The following TFAP2D variants were observed in gnomAD, a reference collection of about 807,000 sequenced individuals.
TFAP2D encodes transcription factor AP-2-delta.
In TFAP2D, 9 loss-of-function variants were observed where a neutral mutation model predicts 43.6. That is an observed-to-expected ratio of 0.21 (90% confidence interval 0.12 to 0.36). The LOEUF is 0.36. Ranked by LOEUF, TFAP2D falls within the 10% of genes least tolerant of loss-of-function variation. TFAP2D has a pLI of 1.00. For missense variants in TFAP2D, 513 were observed against 561.4 expected, an observed-to-expected ratio of 0.91 and a Z score of 0.87; for synonymous variants, 256 against 224.9, an observed-to-expected ratio of 1.14 and a Z score of -1.24.
chr6:50,769,059 T>C (rs1769485626), intron 7 of TFAP2D, among the ~76,000 whole-genome samples: 1 of 137,228 alleles, frequency 7.3e-6, no homozygotes, highest in South Asian at 2.3e-4. Flanking sequence ...ACCCGGCTAA[T>C]TTTTTTTTTG....
rs747947232 is a variant in TFAP2D, at chr6:50,728,952, C to G, written c.695C>G (p.Ala232Gly). The change falls in exon 4 of 8, where the codon GCT becomes GGT. Residue 232 changes from alanine to glycine, a missense_variant. Around this residue, in one of 3 missense-constraint regions of TFAP2D, gnomAD observed 311 missense variants for 316.2 expected, o/e 0.98. Transcript: ENST00000008391. ...SSTSKYKVTI[A>G]EVKRRLSPPE... is the part of the protein sequence containing the mutation. Reference sequence around the variant, plus strand: ...ACTTCCAAATACAAGGTGACCATTGCTGAGGTAAAGAGGCGCCTCTCCCCA... The same window carrying G: ...ACTTCCAAATACAAGGTGACCATTGGTGAGGTAAAGAGGCGCCTCTCCCCA... 1 of 1,614,034 alleles carries G rather than the reference C, an allele frequency of 6.2e-7. No homozygotes were observed. The highest frequency in any genetic ancestry group is 1.1e-5 in the South Asian group (1 of 91,072).
chr6:50,725,191 T>C (rs1411501540), intron 3 of TFAP2D, among the ~76,000 whole-genome samples: 1 of 152,180 alleles, frequency 6.6e-6, no homozygotes, highest in African/African-American at 2.4e-5. Context: ...AGGATCTGCA[T>C]CCATGTATTT....
At chr6:50,742,177 G>C (rs1044258386) in intron 5 of TFAP2D, among the ~76,000 whole-genome samples, 1 of 151,918 alleles carries the variant, frequency 6.6e-6, no homozygotes, top group Non-Finnish European at 1.5e-5. Context: ...CACACACAAA[G>C]CTTCTGTGGC....
intron 6 of TFAP2D, among the ~76,000 whole-genome samples, chr6:50,746,534 A>G (rs1057344625): frequency 6.6e-6 from 1 of 152,200 alleles, no homozygotes; most frequent in African/African-American, 2.4e-5. Context: ...CACTATGCCC[A>G]GCCTTAGGGA....
chr6:50,742,583 TAGATA>T (rs1176104841), intron 5 of TFAP2D, among the ~76,000 whole-genome samples: 1 of 118,416 alleles, frequency 8.4e-6, no homozygotes, highest in Non-Finnish European at 2.0e-5. Flanking sequence ...CATAGATAGA[TAGATA>T]GATAGATAGA....
chr6:50,731,187 G>T lies in TFAP2D; in HGVS notation c.883+1875G>T, dbSNP rs574604978. Among the ~76,000 whole-genome samples, 24 of 152,118 alleles carry T rather than the reference G, an allele frequency of 1.6e-4. 1 individual carries two copies. In the South Asian group the frequency reaches 4.8e-3, roughly 30 times the overall value. ...TACCTCTCCTATCCCAAAAGTGCCCGACTTGTATTCTATTCCTGTGGCCTC... is the reference window on the plus strand; with the variant it reads ...TACCTCTCCTATCCCAAAAGTGCCCTACTTGTATTCTATTCCTGTGGCCTC... On this transcript the variant is annotated intron_variant, in intron 5 of 7. Transcript: ENST00000008391.
intron 6 of TFAP2D, among the ~76,000 whole-genome samples, chr6:50,747,156 T>C (rs1454380901): frequency 6.6e-6 from 1 of 152,180 alleles, no homozygotes; most frequent in African/African-American, 2.4e-5. Context: ...TACCATGTAC[T>C]CATTTCCTTT....
intron 7 of TFAP2D, among the ~76,000 whole-genome samples, chr6:50,764,981 T>C (rs754912406): frequency 3.3e-5 from 5 of 152,166 alleles, no homozygotes; most frequent in African/African-American, 1.2e-4. Flanking sequence ...TTTTCAAATA[T>C]ATAATGCATT....
chr6:50,730,857 G>T (rs1768879944), intron 5 of TFAP2D, among the ~76,000 whole-genome samples: 1 of 152,012 alleles, frequency 6.6e-6, no homozygotes, highest in Non-Finnish European at 1.5e-5. Flanking sequence ...TGATTTAATT[G>T]TTCCTTGGAA....
intron 7 of TFAP2D, among the ~76,000 whole-genome samples, chr6:50,759,310 C>T (rs566121652): frequency 8.5e-4 from 129 of 152,066 alleles, no homozygotes; most frequent in Non-Finnish European, 1.6e-3. Flanking sequence ...TGGTTACCAG[C>T]TAGATGTGTG....
chr6:50,731,970 A>AAAG (rs1768901171), intron 5 of TFAP2D, among the ~76,000 whole-genome samples: 2 of 152,156 alleles, frequency 1.3e-5, no homozygotes, highest in East Asian at 3.9e-4. Flanking sequence ...TTGATCCAAC[A>AAAG]TGGGTCTAAT....
intron 5 of TFAP2D, among the ~76,000 whole-genome samples, chr6:50,730,266 T>G (rs1338814298): frequency 6.6e-6 from 1 of 152,208 alleles, no homozygotes; most frequent in African/African-American, 2.4e-5. Context: ...TAGTGTGTTC[T>G]TGACATTTGT....
At chr6:50,750,968 C>A (rs1372398504) in intron 6 of TFAP2D, among the ~76,000 whole-genome samples, 1 of 151,910 alleles carries the variant, frequency 6.6e-6, no homozygotes, top group East Asian at 1.9e-4. Context: ...AAACATTGGT[C>A]TTATCAGTGC....
At chr6:50,758,605 A>T (rs983510151) in intron 7 of TFAP2D, among the ~76,000 whole-genome samples, 1 of 152,032 alleles carries the variant, frequency 6.6e-6, no homozygotes, top group Non-Finnish European at 1.5e-5. Context: ...ATTCTTGGCA[A>T]CACGCTGAAG....
Position 50,729,271 on chromosome 6 carries a change from G to A in TFAP2D, c.842G>A (p.Arg281Gln), listed in dbSNP as rs1269200374. The change falls in exon 5 of 8, where the codon CGG (arginine) becomes CAG (glutamine). Residue 281 changes from arginine to glutamine, a missense_variant. This residue lies in a region of TFAP2D where 199 missense variants were observed against 227.9 expected (regional missense o/e 0.87). Coordinates refer to ENST00000008391, the MANE Select transcript of TFAP2D (RefSeq NM_172238.4). The part of the protein sequence containing the change: ...RLGLNLPAGR[R>Q]KAANVTLLTS... ...GGCTTAAACTTACCAGCAGGAAGAC[G>A]GAAAGCAGCTAATGTCACCCTCCTT... The A allele has an allele frequency of 3.7e-6, 6 of 1,613,836 alleles. No individual in the cohort carries two copies. The highest frequency in any genetic ancestry group is 4.2e-6 in the Non-Finnish European group (5 of 1,179,856).
At chr6:50,759,857 G>A (rs2235496) in intron 7 of TFAP2D, among the ~76,000 whole-genome samples, 46,163 of 151,832 alleles carry the variant, frequency 0.3, 7,197 homozygotes, top group East Asian at 0.43. Flanking sequence ...AGTGGCTGAG[G>A]AGAACAGAAG....
rs567219499 is a variant in TFAP2D, at chr6:50,754,553, T to G, written c.1139+3229T>G. On this transcript the variant is annotated intron_variant, in intron 7 of 7. Transcript: ENST00000008391. ...CAAATTGCTGGATGATATGGAAATT[T>G]TATTTGTCATTTTTTGAGGGCCTAT... 3.3e-5 allele frequency among the ~76,000 whole-genome samples: 5 copies of G among 152,044 alleles called. No homozygotes were observed. The South Asian group carries it at 8.3e-4, about 25-fold the overall frequency.
At chr6:50,753,105 G>C (rs775309454) in intron 7 of TFAP2D, among the ~76,000 whole-genome samples, 6 of 151,798 alleles carry the variant, frequency 4.0e-5, no homozygotes, top group Non-Finnish European at 8.8e-5. Flanking sequence ...ATAATAAAAG[G>C]ATTTATAATT....
At chr6:50,766,450 G>A (rs936846330) in intron 7 of TFAP2D, among the ~76,000 whole-genome samples, 5 of 151,900 alleles carry the variant, frequency 3.3e-5, no homozygotes, top group African/African-American at 4.8e-5. Flanking sequence ...ATTGGTTTTA[G>A]TATGGACATT....
Sources: gnomAD v4.1 joint callset for allele counts (sites outside exome capture counted in the v4.1 genomes callset) on GRCh38, gnomAD v4.1.1 for gene constraint, gnomAD v4.1.1 regional missense constraint, MANE v1.5 for transcripts, NCBI Gene and HGNC (gene_info 2026-07-23, HGNC 2026-07-21) for gene names.